Variants in RGS3 observed in about 807,000 individuals in gnomAD.
RGS3 encodes regulator of G protein signaling 3.
A neutral mutation model predicts 132.6 loss-of-function variants in RGS3; 80 were observed. That is an observed-to-expected ratio of 0.60 (90% CI 0.50 to 0.73). The LOEUF (loss-of-function observed/expected upper bound fraction) is 0.73. Among genes scored for constraint, RGS3 ranks in the 30% least tolerant of loss-of-function variants. The pLI, the probability that RGS3 is intolerant of heterozygous loss-of-function variation, is 0.00. For missense variants in RGS3, 1,382 were observed against 1,530.8 expected (o/e 0.90, Z 1.62); for synonymous variants, 598 against 620.6 (o/e 0.96, Z 0.54).
chr9:113,445,121 T>G (rs1216743960), intron 1 of RGS3, among the ~76,000 whole-genome samples: 4 of 152,170 alleles, frequency 2.6e-5, no homozygotes, highest in African/African-American at 9.7e-5. Context: ...TTTCTTTTGT[T>G]CTTTGCTACT....
intron 23 of RGS3, 88 bp downstream of exon 21, chr9:113,595,068 A>G: frequency 7.7e-7 from 1 of 1,291,298 alleles, no homozygotes; most frequent in Non-Finnish European, 1.1e-6. Context: ...GGTGCTAGAG[A>G]GGCCGCCTTC....
At chr9:113,513,191 G>C (rs1040022322) in intron 14 of RGS3, among the ~76,000 whole-genome samples, 1 of 152,154 alleles carries the variant, frequency 6.6e-6, no homozygotes, top group African/African-American at 2.4e-5. Context: ...GGGAAACTCC[G>C]TCTCAAACAA....
At chr9:113,577,991 T>G (rs1320027564) in intron 19 of RGS3, among the ~76,000 whole-genome samples, 1 of 152,272 alleles carries the variant, frequency 6.6e-6, no homozygotes, top group Non-Finnish European at 1.5e-5. Flanking sequence ...GCAGAACTAT[T>G]CCATGAGGAT....
At chr9:113,553,118 C>A (rs1168989532) in intron 19 of RGS3, among the ~76,000 whole-genome samples, 1 of 151,762 alleles carries the variant, frequency 6.6e-6, no homozygotes, top group African/African-American at 2.4e-5. Context: ...TAAATAATAT[C>A]ATATTATACA....
intron 19 of RGS3, among the ~76,000 whole-genome samples, chr9:113,540,331 A>G (rs1489839124): frequency 6.6e-6 from 1 of 152,212 alleles, no homozygotes; most frequent in African/African-American, 2.4e-5. Flanking sequence ...AAGCAAATAT[A>G]CATAATAAAT....
chr9:113,451,523 T>G (rs1221432130), intron 1 of RGS3, among the ~76,000 whole-genome samples: 2 of 152,232 alleles, frequency 1.3e-5, no homozygotes, highest in Admixed American at 1.3e-4. Context: ...CATTTTAGAC[T>G]ACACATATCT....
chr9:113,544,299 G>GTTTTTTTTT (rs572535036), intron 19 of RGS3, among the ~76,000 whole-genome samples: 2 of 133,404 alleles, frequency 1.5e-5, no homozygotes. Context: ...CCATTTTCAT[G>GTTTTTTTTT]TTTTTTTTTT....
At chr9:113,527,363 T>C (rs1472339014) in intron 17 of RGS3, among the ~76,000 whole-genome samples, 1 of 152,222 alleles carries the variant, frequency 6.6e-6, no homozygotes, top group Non-Finnish European at 1.5e-5. Context: ...TGACTCTTAC[T>C]TGGCACTAGG....
intron 20 of RGS3, among the ~76,000 whole-genome samples, chr9:113,590,615 A>C (rs1021821651): frequency 6.6e-6 from 1 of 151,292 alleles, no homozygotes; most frequent in Non-Finnish European, 1.5e-5. Flanking sequence ...CAGGTGGGAG[A>C]CTCACAAAAG....
chr9:113,517,738 G>A (rs1291368893), intron 16 of RGS3, 114 bp downstream of exon 14: 3 of 759,076 alleles, frequency 4.0e-6, no homozygotes, highest in East Asian at 2.7e-5. Context: ...CATTCTCAGG[G>A]TAGGGGAGAC....
At chr9:113,556,959 C>T (rs1833593171) in intron 19 of RGS3, among the ~76,000 whole-genome samples, 1 of 152,194 alleles carries the variant, frequency 6.6e-6, no homozygotes, top group Non-Finnish European at 1.5e-5. Context: ...ATGTAGTCAC[C>T]TCTGTCAACA....
At chr9:113,594,807 G>T in intron 22 of RGS3, 112 bp from the exon 21 acceptor site, 1 of 1,061,550 alleles carries the variant, frequency 9.4e-7, no homozygotes, top group South Asian at 1.4e-5. Context: ...CCCCAGCTGG[G>T]CTCAGCTGCA....
rs1829526292 is a variant in RGS3 at position 113,463,594 on chromosome 9, C to T, written c.415+1393C>T. On this transcript the variant is annotated intron_variant, in intron 3 of 24. Coordinates refer to ENST00000350696, the Ensembl canonical transcript of RGS3. This position sits in a 1 kb window ranked among gnomAD's most constrained non-coding sequence, Gnocchi z 4.6. ...CGGGTCGGCGGCGCCGCCTCCCCCA[C>T]CCCGGCCCAGCTCTGCTCCGGCAGG... is the stretch of plus-strand genomic sequence containing the variant. 2 of 1,021,764 alleles carry T rather than the reference C, an allele frequency of 2.0e-6. No individual in the cohort carries two copies. Among genetic ancestry groups the T allele is most frequent in the Non-Finnish European group, 2.6e-6 (2 of 773,364 alleles). The allele number at this position is 1,021,764 out of a possible 1,614,324, so 63.3% of individuals were successfully genotyped here.
intron 14 of RGS3, among the ~76,000 whole-genome samples, chr9:113,509,912 C>T (rs935165320): frequency 7.9e-5 from 12 of 152,060 alleles, no homozygotes; most frequent in African/African-American, 2.4e-4. Flanking sequence ...GGGAGAAGTC[C>T]GACAGCAATT....
At chr9:113,555,498 C>T (rs983102484) in intron 19 of RGS3, among the ~76,000 whole-genome samples, 1 of 151,212 alleles carries the variant, frequency 6.6e-6, no homozygotes, top group Non-Finnish European at 1.5e-5. Context: ...GACAGAGTCT[C>T]GCTCTGTCGC....
At chr9:113,581,317 A>G (rs12554831) in intron 19 of RGS3, 2 of 152,260 alleles carry the variant, frequency 1.3e-5, no homozygotes, top group South Asian at 2.1e-4. Flanking sequence ...TGTCTACCCA[A>G]TGGAGGGTCT....
intron 7 of RGS3, among the ~76,000 whole-genome samples, chr9:113,487,358 G>A (rs1452509417): frequency 6.6e-6 from 1 of 151,760 alleles, no homozygotes; most frequent in South Asian, 2.1e-4. Context: ...TGATCCACCC[G>A]CCTCGGCCTC....
upstream of RGS3, among the ~76,000 whole-genome samples, chr9:113,458,144 T>C (rs1829400999): frequency 6.6e-6 from 1 of 152,250 alleles, no homozygotes; most frequent in South Asian, 2.1e-4. Flanking sequence ...CTCAAACTCC[T>C]GACCTCAAGC....
At chr9:113,483,343 C>A (rs549309913) in intron 5 of RGS3, among the ~76,000 whole-genome samples, 1 of 152,174 alleles carries the variant, frequency 6.6e-6, no homozygotes, top group African/African-American at 2.4e-5. Flanking sequence ...ATCTTAAGGG[C>A]GATCTTGGTC....
Sources: gnomAD v4.1 joint callset for allele counts (sites outside exome capture counted in the v4.1 genomes callset) on GRCh38, gnomAD v4.1.1 for gene constraint, Gnocchi (gnomAD v3.1) non-coding constraint, MANE v1.5 for transcripts, NCBI Gene and HGNC (gene_info 2026-07-23, HGNC 2026-07-21) for gene names.